Variants in DGKD observed in about 807,000 individuals in gnomAD.
DGKD encodes the protein diacylglycerol kinase delta, also known as DAG kinase delta.
DGKD carries 68 observed loss-of-function variants against 154.4 expected under a neutral mutation model. The ratio of observed to expected loss-of-function variants is 0.44; its 90% CI spans 0.36 to 0.54. The LOEUF (loss-of-function observed/expected upper bound fraction) is 0.54, where lower values mean the gene tolerates loss of function less well. Ranked by LOEUF, DGKD falls within the 20% of genes least tolerant of loss-of-function variation. The pLI, the probability that DGKD is intolerant of heterozygous loss-of-function variation, is 0.00. For synonymous variants in DGKD, 693 were observed against 638.0 expected (o/e 1.09, Z -1.30); for missense variants, 1,343 against 1,593.6 (o/e 0.84, Z 2.68).
intron 1 of DGKD, among the ~76,000 whole-genome samples, chr2:233,378,637 CTTTG>C (rs763726417): frequency 1.3e-5 from 2 of 152,144 alleles, no homozygotes; most frequent in African/African-American, 2.4e-5. Context: ...GCATCTTTTC[CTTTG>C]TTTAAGCGCC....
At chr2:233,430,038 A>G (rs2062457244) in intron 3 of DGKD, among the ~76,000 whole-genome samples, 1 of 152,276 alleles carries the variant, frequency 6.6e-6, no homozygotes, top group African/African-American at 2.4e-5. Flanking sequence ...AATGTAAATT[A>G]AAGCTATGAG....
Position 233,449,125 on chromosome 2 carries a change from T to A in DGKD, c.1637T>A (p.Leu546Gln). Residue 546 changes from leucine (L) to glutamine (Q), a missense_variant, in exon 15 of 30, where the codon CTG becomes CAG. Around this residue, in one of 6 missense-constraint regions of DGKD, gnomAD observed 409 missense variants for 446.0 expected, o/e 0.92. Coordinates refer to ENST00000264057, the MANE Select transcript of DGKD (RefSeq NM_152879.3). This position sits in a 1 kb window ranked among gnomAD's most constrained non-coding sequence, Gnocchi z 5.3. ...CAGTGCTCTGTCCTGAAAGAGAAGC[T>A]GGATTCCCTTCTCAAGACCTTGGAC... ...AKKCSVLKEK[L>Q]DSLLKTLDDE... 6.3e-7 allele frequency: 1 copy of A among 1,598,910 alleles called. No homozygotes were observed. The highest frequency in any genetic ancestry group is 1.3e-5 in the African/African-American group (1 of 74,790).
chr2:233,464,426 G>A (rs191961964), intron 27 of DGKD, 143 bp downstream of exon 27: 62 of 1,041,286 alleles, frequency 6.0e-5, no homozygotes, highest in African/African-American at 5.6e-4. Context: ...TCCAGACTTC[G>A]CTATTAAAAT....
In DGKD at chr2:233,449,227, C is replaced by T. The variant is rs760299467; in HGVS notation, c.1739C>T (p.Ser580Leu). ...GAGGAGGCTGAAGATGGAGATGGGT[C>T]GGGCAGCATCTGCGGTTCCACCGGA... ...IAEEAEDGDG[S>L]GSICGSTGDR... The change falls in exon 15 of 30, where the codon TCG becomes TTG. Residue 580 changes from serine to leucine, a missense_variant. Around this residue, in one of 6 missense-constraint regions of DGKD, gnomAD observed 409 missense variants for 446.0 expected, o/e 0.92. Coordinates refer to ENST00000264057, the MANE Select transcript of DGKD (RefSeq NM_152879.3). This position sits in a 1 kb window ranked among gnomAD's most constrained non-coding sequence, Gnocchi z 5.3. The T allele has an allele frequency of 3.0e-5, 48 of 1,613,776 alleles. No homozygotes were observed. Among genetic ancestry groups the T allele is most frequent in the East Asian group, 6.7e-5 (3 of 44,898 alleles).
chr2:233,409,352 G>T (rs1409864344), intron 3 of DGKD, among the ~76,000 whole-genome samples: 1 of 152,168 alleles, frequency 6.6e-6, no homozygotes, highest in Non-Finnish European at 1.5e-5. Context: ...TTTAGTAAGG[G>T]AAAGAGTTCT....
chr2:233,467,263 TC>T (rs1255684685), intron 28 of DGKD, 60 bp downstream of exon 28: 2 of 1,193,754 alleles, frequency 1.7e-6, no homozygotes, highest in Non-Finnish European at 2.5e-6. Context: ...TCGGCCCCGT[TC>T]CCCTGGTCTC....
In DGKD at chr2:233,405,163, C is replaced by T. The variant is rs199562355; in HGVS notation, c.348+14680C>T. Among the ~76,000 whole-genome samples the T allele has an allele frequency of 6.2e-3, 940 of 152,330 alleles. 17 individuals carry two copies. The East Asian group carries it at 0.079, about 13-fold the overall frequency. On this transcript the variant is annotated intron_variant, in intron 3 of 29. Transcript: ENST00000264057. ...TGTTGTTATGGTTTGATTGTGTCCT[C>T]CAAAGTTCATGTGTTGGAAACTGAA...
In DGKD at chr2:233,436,230, G is replaced by A. The variant is rs2062689865; in HGVS notation, c.694-86G>A. ...GAGCTTGTTCTGGGAAGAATGCCTT[G>A]GCTGAGTTCACAACGAGCATTTCCT... On this transcript the variant is annotated intron_variant, in intron 6 of 29. Transcript: ENST00000264057. 6 of 1,585,074 alleles carry A rather than the reference G, an allele frequency of 3.8e-6. No individual in the cohort carries two copies. The Admixed American group carries it at 1.0e-4, about 27-fold the overall frequency.
chr2:233,446,893 C>T (rs1225250155), intron 12 of DGKD, 97 bp downstream of exon 12: 15 of 1,401,416 alleles, frequency 1.1e-5, no homozygotes, highest in African/African-American at 1.4e-5. Flanking sequence ...GAGACGCCTC[C>T]CCTTTGGTGT....
At chr2:233,395,792 C>T (rs1037249602) in intron 3 of DGKD, among the ~76,000 whole-genome samples, 1 of 151,920 alleles carries the variant, frequency 6.6e-6, no homozygotes, top group Admixed American at 6.6e-5. Context: ...CCTCAGCCTC[C>T]CAAAATGTTC....
intron 3 of DGKD, among the ~76,000 whole-genome samples, chr2:233,393,220 G>A (rs1223137123): frequency 6.6e-6 from 1 of 151,698 alleles, no homozygotes; most frequent in Non-Finnish European, 1.5e-5. Flanking sequence ...TAGAGACGGG[G>A]TTTCGCCATG....
chr2:233,428,786 G>A (rs112861705), intron 3 of DGKD, among the ~76,000 whole-genome samples: 4 of 152,236 alleles, frequency 2.6e-5, no homozygotes, highest in South Asian at 2.1e-4. Flanking sequence ...CCCCCATTTC[G>A]CAAATTTATC....
In DGKD at chr2:233,446,754, C is replaced by T. The variant is rs771423001; in HGVS notation, c.1377C>T (p.Ala459=). The T allele has an allele frequency of 6.2e-7, 1 of 1,614,176 alleles. No individual in the cohort carries two copies. ...MAYEAKLPRQ[A]SSSTVTEDFS... ...ACGAGGCCAAGCTCCCCCGGCAGGCCTCCTCCTCTACCGTCACCGAAGACT... is the reference window on the plus strand; with the variant it reads ...ACGAGGCCAAGCTCCCCCGGCAGGCTTCCTCCTCTACCGTCACCGAAGACT... The change falls in exon 12 of 30, where the codon GCC becomes GCT. Residue 459 remains alanine, a synonymous_variant. Transcript: ENST00000264057.
chr2:233,460,874 A>G (rs1168751568), intron 24 of DGKD, among the ~76,000 whole-genome samples: 1 of 152,158 alleles, frequency 6.6e-6, no homozygotes, highest in African/African-American at 2.4e-5. Flanking sequence ...CCTGGGCGAC[A>G]GAGCAAGACT....
intron 1 of DGKD, among the ~76,000 whole-genome samples, chr2:233,377,693 A>G (rs1440814507): frequency 6.6e-6 from 1 of 152,186 alleles, no homozygotes; most frequent in African/African-American, 2.4e-5. Flanking sequence ...AAATGCATGA[A>G]TAACTGCTCT....
In DGKD at chr2:233,449,009, TCTAGG is replaced by T; in HGVS notation, c.1615-93_1615-89del. ...GTTAGGATTTTCCTTTTGATCGAGT[TCTAGG>T]AAGTCTGGGTGAAATGGCCTGAGGT... On this transcript the variant is annotated intron_variant, in intron 14 of 29. Coordinates refer to ENST00000264057, the MANE Select transcript of DGKD (RefSeq NM_152879.3). The surrounding 1 kb of genome is among the most constrained non-coding windows in gnomAD (Gnocchi z 5.3). 1 of 1,447,238 alleles carries T rather than the reference TCTAGG, an allele frequency of 6.9e-7. No individual in the cohort carries two copies. Among genetic ancestry groups the T allele is most frequent in the East Asian group, 2.3e-5 (1 of 43,438 alleles). 89.6% of individuals were successfully genotyped at this position (1,447,238 alleles called of 1,614,324 possible). A position where few individuals can be genotyped will look rare whatever the true frequency, so the allele number is the denominator to read the frequency against.
chr2:233,410,756 A>T (rs900465180), intron 3 of DGKD, among the ~76,000 whole-genome samples: 1 of 152,198 alleles, frequency 6.6e-6, no homozygotes, highest in African/African-American at 2.4e-5. Context: ...TAAGGTGTAC[A>T]GTTTGATAGT....
intron 3 of DGKD, among the ~76,000 whole-genome samples, chr2:233,412,986 T>G (rs529724324): frequency 1.3e-5 from 2 of 152,368 alleles, no homozygotes; most frequent in African/African-American, 4.8e-5. Flanking sequence ...AATTTGCCAT[T>G]ATTTTGTTAA....
chr2:233,454,706 C>A, intron 18 of DGKD, 57 bp from the exon 19 acceptor site: 2 of 1,062,214 alleles, frequency 1.9e-6, no homozygotes, highest in Non-Finnish European at 2.9e-6. Context: ...GGTTGGGAGT[C>A]TGAAATAAGA....
Sources: gnomAD v4.1 joint callset for allele counts (sites outside exome capture counted in the v4.1 genomes callset) on GRCh38, gnomAD v4.1.1 for gene constraint, gnomAD v4.1.1 regional missense constraint, Gnocchi (gnomAD v3.1) non-coding constraint, MANE v1.5 for transcripts, NCBI Gene and HGNC (gene_info 2026-07-23, HGNC 2026-07-21) for gene names.